ADD1: variants seen among roughly 807,000 people sequenced by gnomAD.
ADD1 encodes the protein alpha-adducin.
ADD1 carries 24 observed loss-of-function variants against 80.5 expected under a neutral mutation model. The observed-to-expected ratio is 0.30, with a 90% CI of 0.22 to 0.42. ADD1 has a LOEUF of 0.42. ADD1 is among the 10% of genes least tolerant of loss of function. The probability of loss-of-function intolerance (pLI) is 1.00; values close to 1 mark genes in which losing one functional copy is unlikely to be tolerated. For synonymous variants in ADD1, 373 were observed against 393.8 expected (o/e 0.95, Z 0.63); for missense variants, 948 against 1,019.0 (o/e 0.93, Z 0.95).
intron 1 of ADD1, among the ~76,000 whole-genome samples, chr4:2,845,020 T>C (rs978755743): frequency 2.6e-5 from 4 of 152,054 alleles, no homozygotes; most frequent in Non-Finnish European, 4.4e-5. Context: ...AGGGTGTGAA[T>C]TGTATGAAAG....
At chr4:2,880,627 C>G (rs180964903) in intron 2 of ADD1, among the ~76,000 whole-genome samples, 52 of 151,902 alleles carry the variant, frequency 3.4e-4, no homozygotes, top group African/African-American at 1.2e-3. Flanking sequence ...AGGCGCCCAC[C>G]ACCACGCCTG....
intron 1 of ADD1, among the ~76,000 whole-genome samples, chr4:2,874,554 C>T (rs1730955880): frequency 6.6e-6 from 1 of 151,068 alleles, no homozygotes; most frequent in Non-Finnish European, 1.5e-5. Flanking sequence ...TTTCAGTGAG[C>T]CGAGATCATG....
At position 2,905,000 on chromosome 4, in the gene ADD1, C is replaced by G; in HGVS notation, c.1398C>G (p.Pro466=). 1.2e-6 allele frequency: 2 copies of G among 1,614,160 alleles called. No homozygotes were observed. The highest frequency in any genetic ancestry group is 8.5e-7 in the Non-Finnish European group (1 of 1,180,030). The change falls in exon 10 of 16, where the codon CCC becomes CCG. Residue 466 remains proline (P), a synonymous_variant. Transcript: ENST00000683351. ...AGGAAGGGCAGAATGGAAGCAGTCCCAAGTCGAAGACTAAGGTGTGGACGA... is the reference window on the plus strand; with the variant it reads ...AGGAAGGGCAGAATGGAAGCAGTCCGAAGTCGAAGACTAAGGTGTGGACGA... The part of the protein sequence containing the change: ...ASEEGQNGSS[P]KSKTKVWTNI...
At chr4:2,906,493 G>A (rs1407789257) in intron 10 of ADD1, among the ~76,000 whole-genome samples, 1 of 152,146 alleles carries the variant, frequency 6.6e-6, no homozygotes, top group Non-Finnish European at 1.5e-5. Flanking sequence ...AGCAGCGCGA[G>A]CTTTATTTAC....
chr4:2,872,005 T>C (rs914116001), intron 1 of ADD1, among the ~76,000 whole-genome samples: 22 of 152,192 alleles, frequency 1.4e-4, no homozygotes, highest in Admixed American at 3.3e-4. Context: ...TAAAACTCTC[T>C]ATGGCCAAGT....
At chr4:2,898,844 G>A (rs1577628558) in intron 8 of ADD1, 4 of 417,790 alleles carry the variant, frequency 9.6e-6, no homozygotes, top group Non-Finnish European at 1.8e-5. Flanking sequence ...GTGATGTCAC[G>A]TGACCCCCAC....
chr4:2,870,630 C>T (rs1405124787), intron 1 of ADD1, among the ~76,000 whole-genome samples: 1 of 152,210 alleles, frequency 6.6e-6, no homozygotes, highest in East Asian at 1.9e-4. Context: ...AGGAGGGGTT[C>T]TTCACTAGGC....
chr4:2,907,945 C>A, intron 11 of ADD1, 101 bp downstream of exon 11: 1 of 897,798 alleles, frequency 1.1e-6, no homozygotes, highest in Non-Finnish European at 1.8e-6. Context: ...CAGAGGGCAT[C>A]TGCTGTTGTT....
chr4:2,847,049 G>A (rs1372445790), intron 1 of ADD1, among the ~76,000 whole-genome samples: 2 of 151,914 alleles, frequency 1.3e-5, no homozygotes, highest in East Asian at 3.9e-4. Context: ...CCCGGGAGGC[G>A]GAGCTTGCAG....
intron 6 of ADD1, 145 bp downstream of exon 6, chr4:2,894,876 A>C (rs1734931776): frequency 2.2e-6 from 2 of 920,658 alleles, no homozygotes; most frequent in South Asian, 2.2e-5. Flanking sequence ...ACTAAGTTTG[A>C]CTTTCTTAAA....
In ADD1 at chr4:2,909,415, C is replaced by A; in HGVS notation, c.1775C>A (p.Ser592Tyr). The A allele has an allele frequency of 6.5e-7, 1 of 1,550,180 alleles. No homozygotes were observed. The highest frequency in any genetic ancestry group is 8.7e-7 in the Non-Finnish European group (1 of 1,146,692). ...GAGCAGACCTTTAGTCCCGCTAAAT[C>A]TCTCTCTTTTAGAAAGGTACTCACT... ...LTEQTFSPAK[S>Y]LSFRKGELVT... Residue 592 changes from serine to tyrosine, a missense_variant, in exon 13 of 16, where the codon TCT (serine) becomes TAT (tyrosine). Coordinates refer to ENST00000683351, the MANE Select transcript of ADD1 (RefSeq NM_001354761.2).
intron 2 of ADD1, among the ~76,000 whole-genome samples, chr4:2,880,078 G>T (rs1436956811): frequency 6.6e-6 from 1 of 152,112 alleles, no homozygotes; most frequent in East Asian, 1.9e-4. Context: ...GACAAAGATG[G>T]CTAAATAATC....
At chr4:2,856,391 T>C (rs1728067249) in intron 1 of ADD1, among the ~76,000 whole-genome samples, 1 of 152,180 alleles carries the variant, frequency 6.6e-6, no homozygotes, top group African/African-American at 2.4e-5. Context: ...TTTTCTTTTC[T>C]TTATTTTGGC....
At chr4:2,860,350 A>G (rs1333046251) in intron 1 of ADD1, among the ~76,000 whole-genome samples, 1 of 152,200 alleles carries the variant, frequency 6.6e-6, no homozygotes, top group East Asian at 1.9e-4. Flanking sequence ...ACCCAATTTG[A>G]TATGCAGATT....
At chr4:2,871,135 AT>A (rs1184638502) in intron 1 of ADD1, among the ~76,000 whole-genome samples, 13 of 150,670 alleles carry the variant, frequency 8.6e-5, no homozygotes, top group Admixed American at 5.3e-4. Context: ...CACCCGGCTA[AT>A]TTTTTTTTGT....
At chr4:2,867,720 C>T (rs1263391916) in intron 1 of ADD1, among the ~76,000 whole-genome samples, 2 of 152,180 alleles carry the variant, frequency 1.3e-5, no homozygotes, top group East Asian at 3.8e-4. Flanking sequence ...CTTGAGTAGG[C>T]TGGGACAAAT....
At chr4:2,891,673 G>C (rs1317967927) in intron 4 of ADD1, among the ~76,000 whole-genome samples, 1 of 152,144 alleles carries the variant, frequency 6.6e-6, no homozygotes, top group Non-Finnish European at 1.5e-5. Context: ...GTAGACACAG[G>C]CTCTTCCATC....
intron 4 of ADD1, among the ~76,000 whole-genome samples, chr4:2,888,602 G>C (rs377217740): frequency 1.3e-5 from 2 of 151,192 alleles, no homozygotes; most frequent in Non-Finnish European, 2.9e-5. Context: ...ATTTTTACTA[G>C]AGATGGGGTT....
intron 2 of ADD1, among the ~76,000 whole-genome samples, chr4:2,878,083 G>C (rs1314744946): frequency 6.6e-6 from 1 of 152,242 alleles, no homozygotes; most frequent in African/African-American, 2.4e-5. Context: ...TTCGGCCTGG[G>C]AGTGGCAGAG....
Sources: allele counts gnomAD v4.1 joint callset (sites outside exome capture counted in the v4.1 genomes callset), GRCh38; gene constraint gnomAD v4.1.1; transcripts MANE v1.5; gene names NCBI Gene and HGNC (gene_info 2026-07-23, HGNC 2026-07-21).